Variants in GLIPR1L2 observed in about 807,000 individuals in gnomAD.
GLIPR1L2 encodes GLIPR1 like 2, also known as GLIPR1-like protein 2.
In GLIPR1L2, 21 loss-of-function variants were observed where a neutral mutation model predicts 28.4. The observed-to-expected ratio is 0.74, with a 90% CI of 0.52 to 1.06. The LOEUF is 1.06. Among genes scored for constraint, GLIPR1L2 ranks in the 50% least tolerant of loss-of-function variants. The probability of loss-of-function intolerance (pLI) is 0.00; values close to 1 mark genes in which losing one functional copy is unlikely to be tolerated. For synonymous variants in GLIPR1L2, 145 were observed against 139.3 expected, an observed-to-expected ratio of 1.04 and a Z score of -0.29; for missense variants, 476 against 416.9, an observed-to-expected ratio of 1.14 and a Z score of -1.23.
At chr12:75,413,016 TA>T (rs1440408824) in intron 2 of GLIPR1L2, among the ~76,000 whole-genome samples, 2 of 151,896 alleles carry the variant, frequency 1.3e-5, no homozygotes, top group Admixed American at 6.6e-5. Context: ...TATGCAGCCA[TA>T]AAAAATGATG....
At chr12:75,393,832 TG>T (rs1475534675) in intron 1 of GLIPR1L2, among the ~76,000 whole-genome samples, 1 of 152,102 alleles carries the variant, frequency 6.6e-6, no homozygotes, top group Non-Finnish European at 1.5e-5. Flanking sequence ...TTTTCCATAG[TG>T]GCTGCACCAT....
At chr12:75,396,776 T>C (rs970723592) in intron 1 of GLIPR1L2, among the ~76,000 whole-genome samples, 1 of 152,184 alleles carries the variant, frequency 6.6e-6, no homozygotes, top group Non-Finnish European at 1.5e-5. Context: ...GTATTTTAAT[T>C]AAAGTCCTCC....
intron 1 of GLIPR1L2, among the ~76,000 whole-genome samples, chr12:75,394,819 T>C (rs1015797107): frequency 4.6e-5 from 7 of 151,134 alleles, no homozygotes; most frequent in African/African-American, 7.3e-5. Context: ...TTCCTTGATT[T>C]GTAACATTTT....
At chr12:75,394,254 T>A (rs1223610338) in intron 1 of GLIPR1L2, among the ~76,000 whole-genome samples, 1 of 152,068 alleles carries the variant, frequency 6.6e-6, no homozygotes, top group African/African-American at 2.4e-5. Flanking sequence ...TAAACAAAAG[T>A]TTTTAACGTC....
intron 3 of GLIPR1L2, among the ~76,000 whole-genome samples, chr12:75,422,561 C>T (rs1182458958): frequency 6.6e-6 from 1 of 152,156 alleles, no homozygotes; most frequent in African/African-American, 2.4e-5. Flanking sequence ...CTCAGCCTCC[C>T]AAAGTGCTGG....
At chr12:75,413,337 AAGTAT>A (rs1254624555) in intron 2 of GLIPR1L2, among the ~76,000 whole-genome samples, 2 of 150,716 alleles carry the variant, frequency 1.3e-5, no homozygotes, top group African/African-American at 4.9e-5. Flanking sequence ...CTAAAACTTA[AAGTAT>A]AATAATAATA....
intron 1 of GLIPR1L2, among the ~76,000 whole-genome samples, chr12:75,401,243 C>T (rs1218773752): frequency 6.7e-6 from 1 of 149,764 alleles, no homozygotes; most frequent in Non-Finnish European, 1.5e-5. Flanking sequence ...CAATAATTTG[C>T]AAAAATATAT....
chr12:75,422,844 A>AATT, intron 3 of GLIPR1L2, 60 bp from the exon 4 acceptor site: 1 of 1,367,846 alleles, frequency 7.3e-7, no homozygotes. Flanking sequence ...ATATTATTTA[A>AATT]ATTACATGTA....
At chr12:75,419,621 A>ATG (rs1465856041) in intron 3 of GLIPR1L2, among the ~76,000 whole-genome samples, 3 of 152,220 alleles carry the variant, frequency 2.0e-5, no homozygotes, top group Non-Finnish European at 4.4e-5. Context: ...GGATTAGAGG[A>ATG]TGGCACAGCT....
chr12:75,414,188 C>G (rs956332709), intron 3 of GLIPR1L2, among the ~76,000 whole-genome samples: 3 of 151,952 alleles, frequency 2.0e-5, no homozygotes, highest in African/African-American at 7.2e-5. Context: ...GCACTTCAAA[C>G]ATCTTTTAGT....
intron 1 of GLIPR1L2, chr12:75,403,064 TC>T (rs1235968774): frequency 2.2e-6 from 1 of 457,202 alleles, no homozygotes; most frequent in South Asian, 1.5e-5. Context: ...TCATTGGATT[TC>T]CAAACCTCTC....
At chr12:75,398,254 G>C (rs950357119) in intron 1 of GLIPR1L2, among the ~76,000 whole-genome samples, 2 of 146,746 alleles carry the variant, frequency 1.4e-5, no homozygotes, top group Admixed American at 1.4e-4. Context: ...GCTTGAACCC[G>C]GGAAGCAGAG....
intron 4 of GLIPR1L2, among the ~76,000 whole-genome samples, chr12:75,430,054 G>T (rs2046076366): frequency 6.7e-6 from 1 of 149,902 alleles, no homozygotes; most frequent in Non-Finnish European, 1.5e-5. Flanking sequence ...TCCTGCCTCA[G>T]CCTCCCAAGT....
Position 75,419,947 on chromosome 12 carries a change from C to G in GLIPR1L2, c.585-2957C>G, listed in dbSNP as rs995859540. On this transcript the variant is annotated intron_variant, in intron 3 of 5. Coordinates refer to ENST00000550916, the MANE Select transcript of GLIPR1L2 (RefSeq NM_001270396.2). ...TCTCTATTATAGTTTATCTTCCTTG[C>G]TGCTGCCTACACTGTATTTCTCTTA... 3.3e-5 allele frequency among the ~76,000 whole-genome samples: 5 copies of G among 152,180 alleles called. No individual in the cohort carries two copies. The South Asian group carries it at 8.3e-4, about 25-fold the overall frequency.
intron 1 of GLIPR1L2, 70 bp downstream of exon 1, chr12:75,391,420 G>A: frequency 6.2e-7 from 1 of 1,601,308 alleles, no homozygotes; most frequent in South Asian, 1.1e-5. Context: ...ATCTCGGGTA[G>A]TTGGGGCCAC....
chr12:75,430,651 A>T lies in GLIPR1L2; in HGVS notation c.671-64A>T, dbSNP rs1033411131. ...AAAGTGACACTATTATTGGGAGATT[A>T]TCTTATTTTTTAGACAAAGAAGAAA... On this transcript the variant is annotated intron_variant, in intron 4 of 5. Coordinates refer to ENST00000550916, the MANE Select transcript of GLIPR1L2 (RefSeq NM_001270396.2). 35 of 1,405,670 alleles carry T rather than the reference A, an allele frequency of 2.5e-5. No individual in the cohort carries two copies. The African/African-American group carries it at 5.0e-4, about 20-fold the overall frequency. The allele number at this position is 1,405,670 out of a possible 1,614,324, so 87.1% of individuals were successfully genotyped here. A position where few individuals can be genotyped will look rare whatever the true frequency, so the allele number is the denominator to read the frequency against.
rs532071264 is a variant in GLIPR1L2, at chr12:75,425,253, G to C, written c.670+2264G>C. ...CTGAGCCAGTGAGGAAGGCATCCCT[G>C]GGGGGATGGTCCTGCAGTGGTTGTT... On this transcript the variant is annotated intron_variant, in intron 4 of 5. Transcript: ENST00000550916. 3.3e-5 allele frequency among the ~76,000 whole-genome samples: 5 copies of C among 152,226 alleles called. No homozygotes were observed. The South Asian group carries it at 1.0e-3, about 32-fold the overall frequency.
chr12:75,420,390 T>C (rs1434233599), intron 3 of GLIPR1L2, among the ~76,000 whole-genome samples: 3 of 152,208 alleles, frequency 2.0e-5, no homozygotes, highest in African/African-American at 7.2e-5. Context: ...GTTTGAATAA[T>C]GGCCTTCTAA....
In GLIPR1L2 at chr12:75,413,671, C is replaced by A; in HGVS notation, c.554C>A (p.Ala185Glu). The A allele has an allele frequency of 6.5e-7, 1 of 1,530,964 alleles. No homozygotes were observed. Among genetic ancestry groups the A allele is most frequent in the Non-Finnish European group, 8.8e-7 (1 of 1,138,402 alleles). 94.8% of individuals were successfully genotyped at this position (1,530,964 alleles called of 1,614,324 possible). A position where few individuals can be genotyped will look rare whatever the true frequency, so the allele number is the denominator to read the frequency against. Reference sequence around the variant, plus strand: ...TCAAAAATTGGACATATTATACATGCAGCAATTTTCATATGCAACTATGCG... The same window carrying A: ...TCAAAAATTGGACATATTATACATGAAGCAATTTTCATATGCAACTATGCG... ...PCSKIGHIIH[A>E]AIFICNYAPG... Residue 185 changes from alanine (A) to glutamate (E), a missense_variant, in exon 3 of 6, where the codon GCA (alanine) becomes GAA (glutamate). Transcript: ENST00000550916.
Sources: gnomAD v4.1 joint callset for allele counts (sites outside exome capture counted in the v4.1 genomes callset) on GRCh38, gnomAD v4.1.1 for gene constraint, MANE v1.5 for transcripts, NCBI Gene and HGNC (gene_info 2026-07-23, HGNC 2026-07-21) for gene names.